GALNT17: variants seen among roughly 807,000 people sequenced by gnomAD.
GALNT17 encodes the protein UDP-GalNAc:polypeptide N-acetylgalactosaminyltransferase-like 3.
GALNT17 carries 29 observed loss-of-function variants against 63.7 expected under a neutral mutation model. The ratio of observed to expected loss-of-function variants is 0.46; its 90% CI spans 0.34 to 0.62. The LOEUF is 0.62. Among genes scored for constraint, GALNT17 ranks in the 20% least tolerant of loss-of-function variants. The pLI is 0.01. For synonymous variants in GALNT17, 305 were observed against 318.3 expected, an observed-to-expected ratio of 0.96 and a Z score of 0.45; for missense variants, 603 against 799.6, an observed-to-expected ratio of 0.75 and a Z score of 2.97.
intron 1 of GALNT17, among the ~76,000 whole-genome samples, chr7:71,216,675 G>A (rs113165776): frequency 8.0e-6 from 1 of 124,874 alleles, no homozygotes; most frequent in African/African-American, 2.8e-5. Flanking sequence ...TATACACACA[G>A]ACACAAACAC....
At chr7:71,181,003 C>T (rs1166705014) in intron 1 of GALNT17, among the ~76,000 whole-genome samples, 4 of 152,084 alleles carry the variant, frequency 2.6e-5, no homozygotes, top group African/African-American at 9.7e-5. Flanking sequence ...TCCTGTAATC[C>T]CGGCACTTTG....
At chr7:71,677,442 A>C (rs1327682499) in intron 9 of GALNT17, 136 bp downstream of exon 9, 2 of 785,390 alleles carry the variant, frequency 2.5e-6, no homozygotes, top group Non-Finnish European at 4.0e-6. Flanking sequence ...TTTAAGAAGA[A>C]GGTAGGAGTC....
intron 4 of GALNT17, 150 bp downstream of exon 4, chr7:71,416,213 G>A: frequency 1.0e-6 from 1 of 1,001,668 alleles, no homozygotes. Context: ...TGAGACCATT[G>A]TCTGGGATAA....
At chr7:71,202,343 A>C (rs759381517) in intron 1 of GALNT17, among the ~76,000 whole-genome samples, 15 of 152,220 alleles carry the variant, frequency 9.9e-5, no homozygotes, top group Non-Finnish European at 1.8e-4. Context: ...ACAGTCATCC[A>C]TAACAGTTTT....
intron 6 of GALNT17, among the ~76,000 whole-genome samples, chr7:71,620,193 G>T (rs1471833638): frequency 6.6e-6 from 1 of 152,168 alleles, no homozygotes; most frequent in African/African-American, 2.4e-5. Flanking sequence ...CAGTTTGCTA[G>T]TATTTTGTTG....
chr7:71,649,382 G>A (rs917531141), intron 6 of GALNT17, among the ~76,000 whole-genome samples: 1 of 152,218 alleles, frequency 6.6e-6, no homozygotes, highest in African/African-American at 2.4e-5. Flanking sequence ...GCCAAATGAG[G>A]AGATGGGAGG....
At chr7:71,319,510 A>G (rs1049493720) in intron 1 of GALNT17, among the ~76,000 whole-genome samples, 6 of 152,100 alleles carry the variant, frequency 3.9e-5, no homozygotes, top group African/African-American at 1.4e-4. Flanking sequence ...TCCTCAAGGA[A>G]CTTGTCTTTA....
chr7:71,448,198 A>G lies in GALNT17; in HGVS notation c.962+27093A>G, dbSNP rs77163418. Among the ~76,000 whole-genome samples the G allele has an allele frequency of 2.5e-3, 388 of 152,294 alleles. 9 individuals carry two copies. In the East Asian group the frequency reaches 0.043, roughly 17 times the overall value. ...TCTGACTCCTAGTTCTTTCAATGTA[A>G]CTTGTCTCTTTCTCTTTTGAAATTC... is the stretch of plus-strand genomic sequence containing the variant. On this transcript the variant is annotated intron_variant, in intron 5 of 10. Transcript: ENST00000333538.
intron 2 of GALNT17, among the ~76,000 whole-genome samples, chr7:71,353,027 G>C (rs1435850945): frequency 6.6e-6 from 1 of 151,752 alleles, no homozygotes; most frequent in East Asian, 1.9e-4. Context: ...AGAGCAAAAT[G>C]ACTACTCTGA....
chr7:71,700,107 C>G (rs1318989818), intron 9 of GALNT17, among the ~76,000 whole-genome samples: 2 of 151,836 alleles, frequency 1.3e-5, no homozygotes, highest in Non-Finnish European at 2.9e-5. Context: ...GCCTGGCCAA[C>G]ATAGCGAAAG....
chr7:71,265,012 C>G (rs1046359602), intron 1 of GALNT17, among the ~76,000 whole-genome samples: 2 of 148,484 alleles, frequency 1.3e-5, no homozygotes, highest in Admixed American at 1.4e-4. Context: ...ATGATCAACC[C>G]TTGAGGTGAT....
intron 6 of GALNT17, among the ~76,000 whole-genome samples, chr7:71,573,784 T>C (rs1789490770): frequency 6.6e-6 from 1 of 152,214 alleles, no homozygotes; most frequent in Non-Finnish European, 1.5e-5. Flanking sequence ...ACCCAGGTAG[T>C]AAGCATAGTA....
At chr7:71,461,137 G>A (rs1324396507) in intron 5 of GALNT17, among the ~76,000 whole-genome samples, 2 of 152,138 alleles carry the variant, frequency 1.3e-5, no homozygotes, top group African/African-American at 4.8e-5. Flanking sequence ...ACTTTCTCAT[G>A]CTTTTGATTG....
intron 3 of GALNT17, among the ~76,000 whole-genome samples, chr7:71,411,191 G>C (rs1318940392): frequency 6.6e-5 from 10 of 151,992 alleles, no homozygotes; most frequent in Non-Finnish European, 1.0e-4. Context: ...CACAATCTCA[G>C]CTCACTGCAA....
chr7:71,169,790 A>G (rs540492424), intron 1 of GALNT17, among the ~76,000 whole-genome samples: 115 of 152,258 alleles, frequency 7.6e-4, no homozygotes, highest in African/African-American at 2.7e-3. Flanking sequence ...TCCTGGGCTC[A>G]AGTGATAAGC....
intron 5 of GALNT17, among the ~76,000 whole-genome samples, 196 bp from the exon 6 acceptor site, chr7:71,571,084 AGGCTG>A: frequency 9.2e-6 from 1 of 108,576 alleles, no homozygotes; most frequent in Non-Finnish European, 2.1e-5. Flanking sequence ...AGTACATGCT[AGGCTG>A]GAACCCAGTA....
chr7:71,668,989 G>T (rs1264152827), intron 7 of GALNT17, among the ~76,000 whole-genome samples: 1 of 152,160 alleles, frequency 6.6e-6, no homozygotes, highest in African/African-American at 2.4e-5. Context: ...TTATTTTCTT[G>T]TCGTAATCAA....
chr7:71,486,434 A>G (rs1479280133), intron 5 of GALNT17, among the ~76,000 whole-genome samples: 21 of 151,022 alleles, frequency 1.4e-4, no homozygotes, highest in Non-Finnish European at 8.8e-5. Context: ...ATTTGCAGTG[A>G]CAGATTCTCA....
At chr7:71,258,782 A>G (rs542038934) in intron 1 of GALNT17, among the ~76,000 whole-genome samples, 2 of 149,850 alleles carry the variant, frequency 1.3e-5, no homozygotes, top group Admixed American at 6.6e-5. Flanking sequence ...AAACCTGGAA[A>G]AAAACATTAC....
Sources: allele counts gnomAD v4.1 joint callset (sites outside exome capture counted in the v4.1 genomes callset), GRCh38; gene constraint gnomAD v4.1.1; transcripts MANE v1.5; gene names NCBI Gene and HGNC (gene_info 2026-07-23, HGNC 2026-07-21).